Variants in EBF4 observed in about 807,000 individuals in gnomAD.
The protein encoded by EBF4 is EBF transcription factor 4, also known as transcription factor COE4.
EBF4 carries 34 observed loss-of-function variants against 67.1 expected under a neutral mutation model. The ratio of observed to expected loss-of-function variants is 0.51; its 90% CI spans 0.39 to 0.67. EBF4 has a LOEUF of 0.67. Ranked by LOEUF, EBF4 falls within the 30% of genes least tolerant of loss-of-function variation. The probability of loss-of-function intolerance (pLI) is 0.00; values close to 1 mark genes in which losing one functional copy is unlikely to be tolerated. For missense variants in EBF4, 837 were observed against 873.3 expected, an observed-to-expected ratio of 0.96 and a Z score of 0.52; for synonymous variants, 387 against 377.7, an observed-to-expected ratio of 1.02 and a Z score of -0.29.
At chr20:2,694,680 C>T (rs995166023) in intron 1 of EBF4, among the ~76,000 whole-genome samples, 1 of 152,156 alleles carries the variant, frequency 6.6e-6, no homozygotes, top group East Asian at 1.9e-4. Context: ...TCCCAGAAGT[C>T]TGAGCTGTTG....
chr20:2,705,839 T>A (rs1025441002), intron 2 of EBF4, 106 bp downstream of exon 2: 56 of 996,510 alleles, frequency 5.6e-5, no homozygotes, highest in Admixed American at 3.3e-4. Context: ...ACACACACAC[T>A]GGGACAGATG....
intron 1 of EBF4, among the ~76,000 whole-genome samples, chr20:2,694,251 G>T (rs1001063792): frequency 1.1e-4 from 16 of 152,204 alleles, no homozygotes; most frequent in African/African-American, 3.6e-4. Flanking sequence ...GGCGGATGGG[G>T]GTGTGCAGAG....
chr20:2,697,550 A>AG (rs2087313614), intron 1 of EBF4, among the ~76,000 whole-genome samples: 1 of 107,392 alleles, frequency 9.3e-6, no homozygotes. Flanking sequence ...GTCTCAAAAA[A>AG]AAAAAGAAAG....
intron 5 of EBF4, among the ~76,000 whole-genome samples, chr20:2,708,833 C>A (rs1248168529): frequency 3.3e-5 from 5 of 152,230 alleles, no homozygotes; most frequent in Admixed American, 3.3e-4. Flanking sequence ...GGCATCTGGG[C>A]TGCTGGCCAC....
chr20:2,707,119 G>T lies in EBF4; in HGVS notation c.415-828G>T, dbSNP rs115578251. ...CTTCCTACATAGGCAGGGTCTTTTGGCAGCCTCCACCCAATCCCAGGGCAG... is the reference window on the plus strand; with the variant it reads ...CTTCCTACATAGGCAGGGTCTTTTGTCAGCCTCCACCCAATCCCAGGGCAG... On this transcript the variant is annotated intron_variant, in intron 4 of 16. Transcript: ENST00000609451. This position sits in a 1 kb window ranked among gnomAD's most constrained non-coding sequence, Gnocchi z 4.6. Among the ~76,000 whole-genome samples the T allele has an allele frequency of 3.2e-3, 480 of 152,268 alleles. 1 individual carries two copies. Among genetic ancestry groups the T allele is most frequent in the African/African-American group, 0.011 (459 of 41,538 alleles).
intron 6 of EBF4, among the ~76,000 whole-genome samples, chr20:2,717,302 A>G (rs1173840962): frequency 4.6e-5 from 7 of 152,354 alleles, no homozygotes; most frequent in Non-Finnish European, 8.8e-5. Context: ...AGCAGACAAA[A>G]AAAACCTGTT....
At chr20:2,734,401 C>G (rs766714302) in intron 6 of EBF4, among the ~76,000 whole-genome samples, 10 of 152,184 alleles carry the variant, frequency 6.6e-5, no homozygotes, top group Non-Finnish European at 5.9e-5. Flanking sequence ...GAGCAAGACC[C>G]TGTTCCAAAA....
chr20:2,709,726 A>C, intron 6 of EBF4, 84 bp downstream of exon 6: 16 of 1,362,776 alleles, frequency 1.2e-5, no homozygotes, highest in Non-Finnish European at 1.4e-5. Flanking sequence ...ACCAAGGCTC[A>C]AGGGAGGAGC....
At chr20:2,698,464 C>T (rs2087327565) in intron 1 of EBF4, among the ~76,000 whole-genome samples, 1 of 152,104 alleles carries the variant, frequency 6.6e-6, no homozygotes, top group African/African-American at 2.4e-5. Context: ...TAGATCTTGT[C>T]TGGGGCAGGA....
rs1003278402 is a variant in EBF4 at position 2,707,710 on chromosome 20, C to G, written c.415-237C>G. 6.6e-6 allele frequency among the ~76,000 whole-genome samples: 1 copy of G among 152,168 alleles called. No individual in the cohort carries two copies. Among genetic ancestry groups the G allele is most frequent in the Non-Finnish European group, 1.5e-5 (1 of 68,028 alleles). ...CAGAGCCAGCTCTGGAAAGAGCCAC[C>G]TACAGACAGACAGAATCTGCAGACT... On this transcript the variant is annotated intron_variant, in intron 4 of 16. Coordinates refer to ENST00000609451, the Ensembl canonical transcript of EBF4. This position sits in a 1 kb window ranked among gnomAD's most constrained non-coding sequence, Gnocchi z 4.6.
chr20:2,737,003 A>T (rs2087888774), intron 6 of EBF4, among the ~76,000 whole-genome samples: 1 of 152,116 alleles, frequency 6.6e-6, no homozygotes, highest in Non-Finnish European at 1.5e-5. Context: ...TAATCCCAGC[A>T]CTTTGGGAGG....
At chr20:2,748,406 G>A in intron 6 of EBF4, 143 bp from the exon 7 acceptor site, 1 of 738,922 alleles carries the variant, frequency 1.4e-6, no homozygotes, top group South Asian at 1.8e-5. Context: ...TGGAGGCCAT[G>A]ATGGGAATAT....
chr20:2,716,633 C>G (rs1427830759), intron 6 of EBF4, among the ~76,000 whole-genome samples: 1 of 152,124 alleles, frequency 6.6e-6, no homozygotes, highest in Admixed American at 6.5e-5. Context: ...TTTGTCATCC[C>G]TATGGAACTA....
At position 2,709,663 on chromosome 20, in the gene EBF4, C is replaced by T. The variant is rs1193792704; in HGVS notation, c.557+21C>T. ...GACAGGTACAGGCTCAGGGAGGGGG[C>T]CTGGAAGCTCAGAGGAGAGTGGGGG... is the stretch of plus-strand genomic sequence containing the variant. On this transcript the variant is annotated intron_variant, in intron 6 of 16. Transcript: ENST00000609451. The T allele has an allele frequency of 3.3e-6, 5 of 1,520,242 alleles. No homozygotes were observed. The Admixed American group carries it at 6.0e-5, about 18-fold the overall frequency. 94.2% of individuals were successfully genotyped at this position (1,520,242 alleles called of 1,614,324 possible). A position where few individuals can be genotyped will look rare whatever the true frequency, so the allele number is the denominator to read the frequency against.
At chr20:2,726,974 C>T (rs113435654) in intron 6 of EBF4, among the ~76,000 whole-genome samples, 49 of 152,268 alleles carry the variant, frequency 3.2e-4, no homozygotes, top group African/African-American at 1.1e-3. Context: ...ATCCTACCCT[C>T]TGTTTCTATG....
rs781320637 is a variant in EBF4, at chr20:2,708,060, A to C, written c.488+40A>C. On this transcript the variant is annotated intron_variant, in intron 5 of 16. Coordinates refer to ENST00000609451, the Ensembl canonical transcript of EBF4. Reference sequence around the variant, plus strand: ...TCACTCACACCTCACCCCTCTGCCAAGGCGTTTCTGAGGACTCTACCCAGG... The same window carrying C: ...TCACTCACACCTCACCCCTCTGCCACGGCGTTTCTGAGGACTCTACCCAGG... The C allele has an allele frequency of 5.7e-6, 9 of 1,573,352 alleles. No homozygotes were observed. In the Admixed American group the frequency reaches 1.1e-4, roughly 19 times the overall value.
Position 2,755,348 on chromosome 20 carries a change from G to T in EBF4, c.1541-279G>T. 2.2e-6 allele frequency: 1 copy of T among 460,326 alleles called. No homozygotes were observed. Among genetic ancestry groups the T allele is most frequent in the Non-Finnish European group, 3.9e-6 (1 of 259,730 alleles). The allele number at this position is 460,326 out of a possible 1,614,324, so 28.5% of individuals were successfully genotyped here. ...CTGTTGCTCATCTCATTTTTGGGGGGTACCTCCCACTGTTTGTTTTTTTTG... is the reference window on the plus strand; with the variant it reads ...CTGTTGCTCATCTCATTTTTGGGGGTTACCTCCCACTGTTTGTTTTTTTTG... On this transcript the variant is annotated intron_variant, in intron 14 of 16. Coordinates refer to ENST00000609451, the Ensembl canonical transcript of EBF4. This position sits in a 1 kb window ranked among gnomAD's most constrained non-coding sequence, Gnocchi z 4.7.
chr20:2,719,474 C>T lies in EBF4; in HGVS notation c.557+9832C>T, dbSNP rs534121727. 7.2e-5 allele frequency among the ~76,000 whole-genome samples: 11 copies of T among 152,254 alleles called. No homozygotes were observed. The South Asian group carries it at 2.1e-3, about 29-fold the overall frequency. Reference sequence around the variant, plus strand: ...ATTTTTGTTAGAGACGGGGTTTCACCATATTGGCCAGGCTGGTCTCAAACT... The same window carrying T: ...ATTTTTGTTAGAGACGGGGTTTCACTATATTGGCCAGGCTGGTCTCAAACT... On this transcript the variant is annotated intron_variant, in intron 6 of 16. Coordinates refer to ENST00000609451, the Ensembl canonical transcript of EBF4.
chr20:2,693,704 T>C lies in EBF4; in HGVS notation c.59T>C (p.Leu20Pro). The C allele has an allele frequency of 7.0e-7, 1 of 1,425,530 alleles. No homozygotes were observed. Among genetic ancestry groups the C allele is most frequent in the Non-Finnish European group, 9.1e-7 (1 of 1,095,254 alleles). 88.3% of individuals were successfully genotyped at this position (1,425,530 alleles called of 1,614,324 possible). Residue 20 changes from leucine (L) to proline (P), a missense_variant, in exon 1 of 17, where the codon CTG becomes CCG. This residue lies in a region of EBF4 where 86 missense variants were observed against 70.3 expected (regional missense o/e 1.22). Transcript: ENST00000609451. The surrounding 1 kb of genome is among the most constrained non-coding windows in gnomAD (Gnocchi z 4.6). ...GGGCTGAACCTGAAGGAGGAGCCGC[T>C]GCTGCCCGCCGGCCTGGGCTCAGTG... is the stretch of plus-strand genomic sequence containing the variant.
Sources: gnomAD v4.1 joint callset for allele counts (sites outside exome capture counted in the v4.1 genomes callset) on GRCh38, gnomAD v4.1.1 for gene constraint, gnomAD v4.1.1 regional missense constraint, Gnocchi (gnomAD v3.1) non-coding constraint, MANE v1.5 for transcripts, NCBI Gene and HGNC (gene_info 2026-07-23, HGNC 2026-07-21) for gene names.